Variants in DYTN observed in about 807,000 individuals in gnomAD.
DYTN encodes the protein dystrotelin.
Under a neutral mutation model 69.6 loss-of-function variants are expected in DYTN, and 75 were observed. The observed-to-expected ratio is 1.08, with a 90% confidence interval of 0.89 to 1.31. The LOEUF (loss-of-function observed/expected upper bound fraction) is 1.31. Ranked by LOEUF, DYTN falls within the 50% of genes most tolerant of loss-of-function variation. The pLI is 0.00. For missense variants in DYTN, 726 were observed against 688.4 expected (o/e 1.05, Z -0.61); for synonymous variants, 252 against 249.1 (o/e 1.01, Z -0.11).
At chr2:206,655,587 A>ATTT (rs146939602) in intron 11 of DYTN, among the ~76,000 whole-genome samples, 7 of 138,248 alleles carry the variant, frequency 5.1e-5, no homozygotes, top group Non-Finnish European at 6.3e-5. Context: ...TTAAAAAAAA[A>ATTT]TTTTTTTTTT....
intron 11 of DYTN, among the ~76,000 whole-genome samples, chr2:206,656,217 T>C (rs944830161): frequency 1.3e-5 from 2 of 152,184 alleles, no homozygotes; most frequent in African/African-American, 4.8e-5. Context: ...AAATTGACCC[T>C]TTTATCATTT....
At chr2:206,694,731 T>C (rs144367765) in intron 8 of DYTN, 35 bp downstream of exon 8, 12 of 1,534,174 alleles carry the variant, frequency 7.8e-6, no homozygotes, top group Middle Eastern at 1.7e-4. Context: ...CTGAATTGAT[T>C]AATGAATAGT....
intron 5 of DYTN, 89 bp from the exon 6 acceptor site, chr2:206,700,305 C>T: frequency 7.8e-6 from 11 of 1,402,152 alleles, no homozygotes; most frequent in Middle Eastern, 1.8e-4. Flanking sequence ...GTGCCCACGG[C>T]TGTGTAGTCA....
At chr2:206,680,837 T>C (rs1286446815) in intron 9 of DYTN, among the ~76,000 whole-genome samples, 1 of 152,214 alleles carries the variant, frequency 6.6e-6, no homozygotes, top group East Asian at 1.9e-4. Flanking sequence ...TTTCTATGAA[T>C]TCATTCCCTC....
In DYTN at chr2:206,663,296, A is replaced by G. The variant is rs1699533602; in HGVS notation, c.1240T>C (p.Tyr414His). ...TCAGTGGCATTCTTGATCTGCAAAT[A>G]ATCCCCTCCCTTTGGAACCTTTTCA... ...STEKVPKGGD[Y>H]LQIKNATEDA... The change falls in exon 11 of 12, where the codon TAT (tyrosine) becomes CAT (histidine). Residue 414 changes from tyrosine (Y) to histidine (H), a missense_variant. Physicochemically the swap from Tyr to His is moderately conservative, Grantham distance 83 (BLOSUM62 2). Transcript: ENST00000452335. 1 of 1,613,896 alleles carries G rather than the reference A, an allele frequency of 6.2e-7. No homozygotes were observed. The highest frequency in any genetic ancestry group is 1.3e-5 in the African/African-American group (1 of 74,930).
intron 9 of DYTN, among the ~76,000 whole-genome samples, chr2:206,677,357 A>T (rs1361915462): frequency 6.6e-6 from 1 of 152,226 alleles, no homozygotes; most frequent in Non-Finnish European, 1.5e-5. Flanking sequence ...AGAATAATTC[A>T]AATAATGCTG....
intron 9 of DYTN, among the ~76,000 whole-genome samples, chr2:206,666,898 A>G (rs1018079694): frequency 2.8e-5 from 4 of 144,622 alleles, no homozygotes; most frequent in African/African-American, 1.0e-4. Context: ...CACACACACA[A>G]ATTAGCTGAG....
intron 9 of DYTN, among the ~76,000 whole-genome samples, chr2:206,692,230 A>T (rs116242121): frequency 6.6e-6 from 1 of 150,702 alleles, no homozygotes; most frequent in Non-Finnish European, 1.5e-5. Flanking sequence ...GTGCCACTGC[A>T]CTCCAACCTG....
chr2:206,654,290 C>T (rs562364913), intron 11 of DYTN, among the ~76,000 whole-genome samples: 536 of 152,238 alleles, frequency 3.5e-3, no homozygotes, highest in Middle Eastern at 0.01. Context: ...CTCTGCCATA[C>T]CTGAGAAAGC....
chr2:206,689,836 A>G (rs934703137), intron 9 of DYTN, among the ~76,000 whole-genome samples: 2 of 152,012 alleles, frequency 1.3e-5, no homozygotes, highest in South Asian at 2.1e-4. Context: ...CCATCCATCA[A>G]TCCCTCCATC....
At position 206,695,767 on chromosome 2, in the gene DYTN, T is replaced by G. The variant is rs138280917; in HGVS notation, c.720-890A>C. Among the ~76,000 whole-genome samples, 579 of 152,352 alleles carry G rather than the reference T, an allele frequency of 3.8e-3. 2 individuals are homozygous for G. Among genetic ancestry groups the G allele is most frequent in the African/African-American group, 0.013 (559 of 41,580 alleles). On this transcript the variant is annotated intron_variant, in intron 7 of 11. Transcript: ENST00000452335. ...AATTCTCTTCTCTAACTGCAGTGTG[T>G]GTGGTATAAAACTCTGTCCTCATAT... is the stretch of plus-strand genomic sequence containing the variant.
chr2:206,714,553 C>G (rs2105903702), intron 1 of DYTN, among the ~76,000 whole-genome samples: 1 of 152,236 alleles, frequency 6.6e-6, no homozygotes, highest in African/African-American at 2.4e-5. Context: ...ATGGACAGGC[C>G]CATGAAAGAA....
At chr2:206,653,111 CAG>C (rs1480701326) in intron 11 of DYTN, among the ~76,000 whole-genome samples, 1 of 152,094 alleles carries the variant, frequency 6.6e-6, no homozygotes, top group African/African-American at 2.4e-5. Context: ...AATACCGCTC[CAG>C]AGGACCTTGA....
chr2:206,657,394 C>T (rs1474259919), intron 11 of DYTN, among the ~76,000 whole-genome samples: 2 of 152,180 alleles, frequency 1.3e-5, no homozygotes, highest in Non-Finnish European at 2.9e-5. Context: ...TTCCCTGACT[C>T]AGCCTCTCAA....
intron 1 of DYTN, among the ~76,000 whole-genome samples, chr2:206,713,644 A>G (rs1252571169): frequency 3.3e-5 from 5 of 152,236 alleles, no homozygotes; most frequent in Non-Finnish European, 5.9e-5. Flanking sequence ...TTGCACAGTT[A>G]TAGTGAAGGG....
chr2:206,663,008 T>A lies in DYTN; in HGVS notation c.1528A>T (p.Lys510Ter). 6.2e-7 allele frequency: 1 copy of A among 1,613,874 alleles called. No individual in the cohort carries two copies. Among genetic ancestry groups the A allele is most frequent in the Non-Finnish European group, 8.5e-7 (1 of 1,179,872 alleles). ...CTCTCCTTGATGTTACCTGCCTCTT[T>A]CTTTTCCACGGCTGCCAGAGCAGGA... ...SSPALAAVEK[K>*]EAGNIKERKD... Residue 510 changes from lysine to a stop codon, truncating the protein, a stop_gained, in exon 11 of 12, where the codon AAA becomes TAA. Coordinates refer to ENST00000452335, the MANE Select transcript of DYTN (RefSeq NM_001093730.1). LOFTEE classifies it high-confidence loss of function.
intron 7 of DYTN, 42 bp downstream of exon 7, chr2:206,699,685 T>G (rs775474118): frequency 6.3e-7 from 1 of 1,590,026 alleles, no homozygotes; most frequent in Non-Finnish European, 8.6e-7. Context: ...TGTAGAACCA[T>G]ATGGAGAATG....
At chr2:206,680,427 T>C (rs1193012929) in intron 9 of DYTN, among the ~76,000 whole-genome samples, 1 of 152,222 alleles carries the variant, frequency 6.6e-6, no homozygotes, top group East Asian at 1.9e-4. Flanking sequence ...TCATTTTCTG[T>C]ACTCAGATAT....
chr2:206,704,749 G>A (rs1053965912), intron 5 of DYTN, 94 bp downstream of exon 5: 2 of 1,078,088 alleles, frequency 1.9e-6, no homozygotes, highest in African/African-American at 1.6e-5. Context: ...TATATATAAA[G>A]ATAGACTTGA....
Sources: allele counts gnomAD v4.1 joint callset (sites outside exome capture counted in the v4.1 genomes callset), GRCh38; gene constraint gnomAD v4.1.1; transcripts MANE v1.5; gene names NCBI Gene and HGNC (gene_info 2026-07-23, HGNC 2026-07-21).